Variants in OPN5 observed in about 807,000 individuals in gnomAD.
OPN5 encodes opsin 5.
In OPN5, 18 loss-of-function variants were observed where a neutral mutation model predicts 41.7. The ratio of observed to expected loss-of-function variants is 0.43; its 90% CI spans 0.30 to 0.64. OPN5 has a LOEUF of 0.64. Ranked by LOEUF, OPN5 falls within the 30% of genes least tolerant of loss-of-function variation. The pLI, the probability that OPN5 is intolerant of heterozygous loss-of-function variation, is 0.13. For synonymous variants in OPN5, 178 were observed against 164.3 expected (o/e 1.08, Z -0.64); for missense variants, 318 against 434.5 (o/e 0.73, Z 2.38).
At chr6:47,805,363 T>C (rs747135646) in intron 4 of OPN5, among the ~76,000 whole-genome samples, 4 of 152,138 alleles carry the variant, frequency 2.6e-5, no homozygotes, top group Admixed American at 1.3e-4. Flanking sequence ...GCTCACTTGA[T>C]TGATTTCCTG....
downstream of OPN5, chr6:47,825,519 C>G (rs759487204): frequency 6.6e-6 from 1 of 152,068 alleles, no homozygotes; most frequent in Non-Finnish European, 1.5e-5. Flanking sequence ...CTTGGCACTC[C>G]CAAAAGACAG....
chr6:47,802,067 G>T (rs1400888523), intron 4 of OPN5, among the ~76,000 whole-genome samples: 1 of 152,206 alleles, frequency 6.6e-6, no homozygotes, highest in Non-Finnish European at 1.5e-5. Context: ...AACGTTTTGT[G>T]CCCTGCTTAG....
At chr6:47,796,116 C>T (rs932354293) in intron 4 of OPN5, among the ~76,000 whole-genome samples, 2 of 152,076 alleles carry the variant, frequency 1.3e-5, no homozygotes, top group African/African-American at 4.8e-5. Context: ...TCAGAGGTGA[C>T]AGTTCTTTAG....
intron 6 of OPN5, among the ~76,000 whole-genome samples, chr6:47,822,113 A>C (rs894673775): frequency 6.7e-6 from 1 of 149,808 alleles, no homozygotes; most frequent in Non-Finnish European, 1.5e-5. Context: ...CTGTCTCAAA[A>C]AAAAAAAAAA....
intron 1 of OPN5, among the ~76,000 whole-genome samples, chr6:47,785,950 A>C (rs1349076878): frequency 6.6e-6 from 1 of 152,146 alleles, no homozygotes; most frequent in African/African-American, 2.4e-5. Context: ...CTCAGTGTCC[A>C]TGTCTCCCAA....
At chr6:47,811,402 T>G (rs1774196445) in intron 5 of OPN5, among the ~76,000 whole-genome samples, 1 of 152,156 alleles carries the variant, frequency 6.6e-6, no homozygotes, top group Non-Finnish European at 1.5e-5. Flanking sequence ...AGGTGTGCAA[T>G]TAAGTTTGTT....
chr6:47,806,489 C>T (rs1773969776), intron 4 of OPN5, among the ~76,000 whole-genome samples: 1 of 152,050 alleles, frequency 6.6e-6, no homozygotes, highest in South Asian at 2.1e-4. Context: ...TTGCTTTATC[C>T]TTCACACAAA....
In OPN5 at chr6:47,797,488, A is replaced by G. The variant is rs527244130; in HGVS notation, c.756+1925A>G. ...ATTTAAATAAATCAATCCTAGTTAA[A>G]GTTGAATTATATTTAATCAAAATCC... On this transcript the variant is annotated intron_variant, in intron 4 of 6. Coordinates refer to ENST00000371211, the Ensembl canonical transcript of OPN5. 3.0e-4 allele frequency among the ~76,000 whole-genome samples: 45 copies of G among 152,350 alleles called. No individual in the cohort carries two copies. In the South Asian group the frequency reaches 8.9e-3, roughly 30 times the overall value.
chr6:47,818,520 C>T (rs1484905420), intron 6 of OPN5, among the ~76,000 whole-genome samples: 1 of 152,148 alleles, frequency 6.6e-6, no homozygotes, highest in Non-Finnish European at 1.5e-5. Context: ...AACTCACTGC[C>T]AGTGGGGATT....
chr6:47,790,591 C>G (rs1773339097), intron 2 of OPN5, among the ~76,000 whole-genome samples: 1 of 152,132 alleles, frequency 6.6e-6, no homozygotes, highest in Non-Finnish European at 1.5e-5. Flanking sequence ...TTGATAGTAA[C>G]AAGGTAATAG....
At chr6:47,817,716 G>A (rs1243928739) in intron 6 of OPN5, among the ~76,000 whole-genome samples, 1 of 152,142 alleles carries the variant, frequency 6.6e-6, no homozygotes, top group Non-Finnish European at 1.5e-5. Context: ...TTTCCCATTG[G>A]ATGTGGTCAC....
chr6:47,805,697 AAC>A (rs1319066104), intron 4 of OPN5, among the ~76,000 whole-genome samples: 1 of 152,168 alleles, frequency 6.6e-6, no homozygotes, highest in Non-Finnish European at 1.5e-5. Flanking sequence ...TTATGGGAAA[AAC>A]ACATCCAATT....
intron 6 of OPN5, among the ~76,000 whole-genome samples, chr6:47,814,892 A>C (rs1478569553): frequency 2.0e-5 from 3 of 152,162 alleles, no homozygotes; most frequent in Admixed American, 6.6e-5. Flanking sequence ...CATAAAGGAC[A>C]CTTGGAAAGT....
intron 6 of OPN5, among the ~76,000 whole-genome samples, chr6:47,813,178 T>C (rs146146788): frequency 5.8e-4 from 88 of 152,224 alleles, no homozygotes; most frequent in African/African-American, 2.0e-3. Flanking sequence ...AGAGGCAGAA[T>C]TGTCATTAGA....
intron 3 of OPN5, among the ~76,000 whole-genome samples, 160 bp downstream of exon 3, chr6:47,792,132 A>G (rs1773393852): frequency 6.6e-6 from 1 of 152,208 alleles, no homozygotes; most frequent in South Asian, 2.1e-4. Context: ...GACATGTTTA[A>G]GGATTTTAAC....
intron 3 of OPN5, 101 bp from the exon 4 acceptor site, chr6:47,795,128 T>C (rs1773500520): frequency 3.2e-6 from 3 of 947,512 alleles, no homozygotes; most frequent in Non-Finnish European, 4.6e-6. Flanking sequence ...CTCCCAGAAA[T>C]CAATGGAATA....
intron 4 of OPN5, among the ~76,000 whole-genome samples, chr6:47,802,854 TC>T (rs1322807987): frequency 6.6e-6 from 1 of 152,216 alleles, no homozygotes; most frequent in Non-Finnish European, 1.5e-5. Flanking sequence ...ATTTACTGCC[TC>T]TCTTTTCAGT....
intron 6 of OPN5, among the ~76,000 whole-genome samples, chr6:47,817,489 T>C (rs1452968027): frequency 6.6e-6 from 1 of 152,104 alleles, no homozygotes; most frequent in Non-Finnish European, 1.5e-5. Context: ...GTGTATGATG[T>C]TGTTGCATAT....
At chr6:47,814,966 A>C (rs893543212) in intron 6 of OPN5, among the ~76,000 whole-genome samples, 4 of 152,112 alleles carry the variant, frequency 2.6e-5, no homozygotes, top group African/African-American at 7.2e-5. Context: ...TAGAGTATTA[A>C]ACCAAGAATA....
Sources: allele counts gnomAD v4.1 joint callset (sites outside exome capture counted in the v4.1 genomes callset), GRCh38; gene constraint gnomAD v4.1.1; transcripts MANE v1.5; gene names NCBI Gene and HGNC (gene_info 2026-07-23, HGNC 2026-07-21).